Variants in CTNNA2 observed in about 807,000 individuals in gnomAD.
CTNNA2 encodes catenin alpha-2.
Under a neutral mutation model 101.0 loss-of-function variants are expected in CTNNA2, and 42 were observed. That is an observed-to-expected ratio of 0.42 (90% CI 0.32 to 0.54). The LOEUF is 0.54. CTNNA2 is among the 20% of genes least tolerant of loss of function. The pLI, the probability that CTNNA2 is intolerant of heterozygous loss-of-function variation, is 0.14. For synonymous variants in CTNNA2, 450 were observed against 456.4 expected, an observed-to-expected ratio of 0.99 and a Z score of 0.18; for missense variants, 871 against 1,223.1, an observed-to-expected ratio of 0.71 and a Z score of 4.29.
intron 4 of CTNNA2, among the ~76,000 whole-genome samples, chr2:79,472,814 T>C (rs1310216336): frequency 6.6e-6 from 1 of 152,216 alleles, no homozygotes; most frequent in Admixed American, 6.5e-5. Context: ...ACTTTTCTCT[T>C]CTCTCATTTT....
chr2:79,744,704 T>A, intron 3 of CTNNA2, 122 bp downstream of exon 3: 1 of 916,692 alleles, frequency 1.1e-6, no homozygotes, highest in Non-Finnish European at 1.6e-6. Context: ...CCTTTCTATC[T>A]ACACTTGTCA....
intron 7 of CTNNA2, among the ~76,000 whole-genome samples, chr2:80,237,131 A>G (rs1486514041): frequency 1.3e-5 from 2 of 152,178 alleles, no homozygotes; most frequent in Non-Finnish European, 2.9e-5. Context: ...CCACAAAGAC[A>G]TGAGTTCAGA....
At chr2:80,433,090 G>T (rs1341498804) in intron 9 of CTNNA2, among the ~76,000 whole-genome samples, 1 of 152,082 alleles carries the variant, frequency 6.6e-6, no homozygotes, top group Non-Finnish European at 1.5e-5. Flanking sequence ...CAGCTAAAGA[G>T]GCTGTTTTCA....
intron 7 of CTNNA2, among the ~76,000 whole-genome samples, chr2:79,960,548 C>T (rs867068652): frequency 1.5e-4 from 23 of 152,288 alleles, no homozygotes; most frequent in African/African-American, 4.8e-4. Flanking sequence ...TATGAATAGA[C>T]TTAGCACCTA....
At chr2:79,416,996 C>A (rs1033834023) in intron 4 of CTNNA2, among the ~76,000 whole-genome samples, 3 of 152,026 alleles carry the variant, frequency 2.0e-5, no homozygotes, top group African/African-American at 7.2e-5. Context: ...TTCATGATGC[C>A]ACAGGTATGG....
intron 7 of CTNNA2, among the ~76,000 whole-genome samples, chr2:80,368,605 T>C (rs888361065): frequency 5.9e-5 from 9 of 152,044 alleles, no homozygotes; most frequent in Admixed American, 1.3e-4. Context: ...CTGATTGATC[T>C]ATTTTGTGCA....
At chr2:79,634,424 C>G (rs1478121858) in intron 1 of CTNNA2, 1 of 152,158 alleles carries the variant, frequency 6.6e-6, no homozygotes, top group African/African-American at 2.4e-5. Flanking sequence ...TTCAGGAGAC[C>G]TTGTTTTGCA....
chr2:79,744,707 A>C (rs1440285433), intron 3 of CTNNA2, 125 bp downstream of exon 3: 55 of 908,180 alleles, frequency 6.1e-5, no homozygotes, highest in Non-Finnish European at 7.9e-5. Flanking sequence ...TTCTATCTAC[A>C]CTTGTCATTT....
At position 79,651,573 on chromosome 2, in the gene CTNNA2, C is replaced by T; in HGVS notation, c.17C>T (p.Ser6Leu). Residue 6 changes from serine to leucine, a missense_variant, in exon 2 of 19, where the codon TCA becomes TTA. Physicochemically the swap from Ser to Leu is moderately radical, Grantham distance 145. Around this residue, in one of 5 missense-constraint regions of CTNNA2, gnomAD observed 647 missense variants for 831.5 expected, o/e 0.78. Transcript: ENST00000402739. MTSAT[S>L]PIILKWDPKS... ...ATAGGGAGCATGACTTCGGCAACTTCACCTATCATTCTGAAATGGGACCCC... is the reference window on the plus strand; with the variant it reads ...ATAGGGAGCATGACTTCGGCAACTTTACCTATCATTCTGAAATGGGACCCC... 1 of 1,613,796 alleles carries T rather than the reference C, an allele frequency of 6.2e-7. No individual in the cohort carries two copies. Among genetic ancestry groups the T allele is most frequent in the Non-Finnish European group, 8.5e-7 (1 of 1,179,818 alleles).
chr2:79,583,399 T>G (rs1676270582), intron 1 of CTNNA2, among the ~76,000 whole-genome samples: 1 of 151,972 alleles, frequency 6.6e-6, no homozygotes, highest in East Asian at 1.9e-4. Context: ...TCTTGTTGTC[T>G]TTTTCTTTTA....
intron 7 of CTNNA2, among the ~76,000 whole-genome samples, chr2:80,007,641 C>G (rs1337846570): frequency 6.6e-6 from 1 of 152,152 alleles, no homozygotes; most frequent in Non-Finnish European, 1.5e-5. Flanking sequence ...GCAACCTTCT[C>G]TTTCTATTAA....
Position 79,246,710 on chromosome 2 carries a change from C to A in CTNNA2, c.-406+48634C>A, listed in dbSNP as rs1312133187. Among the ~76,000 whole-genome samples the A allele has an allele frequency of 3.9e-5, 6 of 152,322 alleles. No homozygotes were observed. In the South Asian group the frequency reaches 1.2e-3, roughly 32 times the overall value. ...GTTTGATTTTATAAAATTAAGGACCCACACTAAGTGTGATGATGAATAGCA... is the reference window on the plus strand; with the variant it reads ...GTTTGATTTTATAAAATTAAGGACCAACACTAAGTGTGATGATGAATAGCA... On this transcript the variant is annotated intron_variant, in intron 2 of 21. Transcript: ENST00000466387.
Position 79,897,273 on chromosome 2 carries a change from T to TG in CTNNA2, c.853-12317dup, listed in dbSNP as rs539341545. On this transcript the variant is annotated intron_variant, in intron 6 of 18. Coordinates refer to ENST00000402739, the MANE Select transcript of CTNNA2 (RefSeq NM_001282597.3). ...GGAGCCGTTGAAGGTTTGAGGCCAG[T>TG]GGGGTAGTGTGGTTAAGCAGGATTT... 2.8e-3 allele frequency among the ~76,000 whole-genome samples: 417 copies of TG among 149,084 alleles called. 1 individual carries two copies. Among genetic ancestry groups the TG allele is most frequent in the African/African-American group, 0.01 (400 of 39,940 alleles).
chr2:79,828,075 AGAGTAT>A (rs1369634190), intron 3 of CTNNA2, among the ~76,000 whole-genome samples: 16 of 152,238 alleles, frequency 1.1e-4, no homozygotes, highest in African/African-American at 3.6e-4. Flanking sequence ...ATTGCGAAAT[AGAGTAT>A]AAGCAATAAC....
chr2:79,637,853 G>A (rs1416748081), intron 1 of CTNNA2, among the ~76,000 whole-genome samples: 3 of 152,190 alleles, frequency 2.0e-5, no homozygotes, highest in African/African-American at 7.2e-5. Flanking sequence ...ATTAACCTTG[G>A]AAAAGCAAGC....
chr2:80,245,579 C>T (rs1396334185), intron 7 of CTNNA2, among the ~76,000 whole-genome samples: 1 of 151,870 alleles, frequency 6.6e-6, no homozygotes, highest in African/African-American at 2.4e-5. Flanking sequence ...TTGCTTTTTC[C>T]CATCCCATTC....
chr2:79,836,023 A>G (rs974708586), intron 3 of CTNNA2, among the ~76,000 whole-genome samples: 1 of 151,994 alleles, frequency 6.6e-6, no homozygotes, highest in African/African-American at 2.4e-5. Context: ...AGTTGCTGCA[A>G]TTGCTGATCT....
rs555864889 is a variant in CTNNA2 at position 80,271,579 on chromosome 2, G to A, written c.1057-121632G>A. ...TGGGACTACAGGCGCAAGCCACCAC[G>A]CCAGGCTAATTTTTTTATATTTTTA... On this transcript the variant is annotated intron_variant, in intron 7 of 18. Coordinates refer to ENST00000402739, the MANE Select transcript of CTNNA2 (RefSeq NM_001282597.3). Among the ~76,000 whole-genome samples, 44 of 152,142 alleles carry A rather than the reference G, an allele frequency of 2.9e-4. No homozygotes were observed. The East Asian group carries it at 7.4e-3, about 26-fold the overall frequency.
At chr2:80,350,920 G>C (rs1027810961) in intron 7 of CTNNA2, among the ~76,000 whole-genome samples, 7 of 152,138 alleles carry the variant, frequency 4.6e-5, no homozygotes, top group Admixed American at 2.0e-4. Context: ...AAACTCTCAT[G>C]TGACAATAAT....
Sources: gnomAD v4.1 joint callset for allele counts (sites outside exome capture counted in the v4.1 genomes callset) on GRCh38, gnomAD v4.1.1 for gene constraint, gnomAD v4.1.1 regional missense constraint, MANE v1.5 for transcripts, NCBI Gene and HGNC (gene_info 2026-07-23, HGNC 2026-07-21) for gene names.